KIAA0232: variants seen among roughly 807,000 people sequenced by gnomAD.
KIAA0232 encodes KIAA0232.
Under a neutral mutation model 122.0 loss-of-function variants are expected in KIAA0232, and 27 were observed. The ratio of observed to expected loss-of-function variants is 0.22; its 90% CI spans 0.16 to 0.31. KIAA0232 has a LOEUF of 0.31. Among genes scored for constraint, KIAA0232 ranks in the 10% least tolerant of loss-of-function variants. The pLI, the probability that KIAA0232 is intolerant of heterozygous loss-of-function variation, is 1.00. For synonymous variants in KIAA0232, 613 were observed against 587.6 expected (o/e 1.04, Z -0.63); for missense variants, 1,551 against 1,634.2 (o/e 0.95, Z 0.88).
intron 4 of KIAA0232, among the ~76,000 whole-genome samples, chr4:6,848,515 A>G (rs907207477): frequency 1.3e-5 from 2 of 151,126 alleles, no homozygotes; most frequent in Admixed American, 6.6e-5. Flanking sequence ...TTTACATTGT[A>G]TTAGGTATTA....
rs939656937 is a variant in KIAA0232 at position 6,862,013 on chromosome 4, A to G, written c.1631A>G (p.Asn544Ser). 1.2e-6 allele frequency: 2 copies of G among 1,614,226 alleles called. No homozygotes were observed. Among genetic ancestry groups the G allele is most frequent in the African/African-American group, 2.7e-5 (2 of 75,062 alleles). ...ATGATTCGACAGAAAAGCAAAGAGA[A>G]CACAGATTTTGAGGCAGAATGTTGC... ...LNMIRQKSKE[N>S]TDFEAECCIV... is the part of the protein sequence containing the mutation. The change falls in exon 7 of 10, where the codon AAC becomes AGC. Residue 544 changes from asparagine to serine, a missense_variant. Physicochemically the swap from Asn to Ser is conservative, Grantham distance 46. Transcript: ENST00000307659.
At position 6,879,887 on chromosome 4, in the gene KIAA0232, G is replaced by GC. The variant is rs745319769; in HGVS notation, c.4009-900_4009-899insC. Among the ~76,000 whole-genome samples, 16 of 66,474 alleles carry GC rather than the reference G, an allele frequency of 2.4e-4. 2 individuals carry two copies. The South Asian group carries it at 2.9e-3, about 12-fold the overall frequency. 43.6% of individuals were successfully genotyped at this position (66,474 alleles called of 152,430 possible). On this transcript the variant is annotated intron_variant, in intron 9 of 9. Coordinates refer to ENST00000307659, the MANE Select transcript of KIAA0232 (RefSeq NM_014743.3). Reference sequence around the variant, plus strand: ...CCTTCCCAACACACAGGTCTGCAGTGTCCCCTCACCATCTGTACTGTGTCA... The same window carrying GC: ...CCTTCCCAACACACAGGTCTGCAGTGCTCCCCTCACCATCTGTACTGTGTCA...
chr4:6,819,756 C>G (rs1201068162), intron 2 of KIAA0232, among the ~76,000 whole-genome samples: 1 of 152,036 alleles, frequency 6.6e-6, no homozygotes, highest in Non-Finnish European at 1.5e-5. Flanking sequence ...CTAGCTACAT[C>G]TCAGAAAAGA....
Position 6,861,159 on chromosome 4 carries a change from T to G in KIAA0232, c.777T>G (p.Phe259Leu). The G allele has an allele frequency of 6.2e-7, 1 of 1,614,114 alleles. No homozygotes were observed. Among genetic ancestry groups the G allele is most frequent in the Non-Finnish European group, 8.5e-7 (1 of 1,180,022 alleles). ...SKSKNEKENK[F>L]SNGTIEEKPA... is the part of the protein sequence containing the mutation. ...GCAAAAACGAGAAGGAAAACAAATT[T>G]AGTAATGGCACAATTGAAGAAAAGC... Residue 259 changes from phenylalanine (F) to leucine (L), a missense_variant, in exon 7 of 10, where the codon TTT becomes TTG. Phe to Leu is a conservative substitution (Grantham distance 22). Coordinates refer to ENST00000307659, the MANE Select transcript of KIAA0232 (RefSeq NM_014743.3).
intron 1 of KIAA0232, among the ~76,000 whole-genome samples, chr4:6,788,937 G>A (rs997876580): frequency 2.0e-5 from 3 of 151,634 alleles, no homozygotes; most frequent in Non-Finnish European, 4.4e-5. Flanking sequence ...TTTCTGGTGT[G>A]TGTGTAAAGA....
intron 1 of KIAA0232, among the ~76,000 whole-genome samples, chr4:6,799,727 G>A (rs777100715): frequency 6.6e-6 from 1 of 151,914 alleles, no homozygotes; most frequent in Admixed American, 6.6e-5. Context: ...TCGGAGGCTC[G>A]CTCTGTTGCC....
intron 2 of KIAA0232, among the ~76,000 whole-genome samples, chr4:6,807,032 G>GTCTGTCTGTCTATCTATCTATCTA (rs750617409): frequency 4.8e-5 from 7 of 145,862 alleles, no homozygotes; most frequent in East Asian, 2.0e-4. Flanking sequence ...CTGTCTGTCT[G>GTCTGTCTGTCTATCTATCTATCTA]TCTATCTATC....
chr4:6,836,358 A>G (rs924863871), intron 3 of KIAA0232, among the ~76,000 whole-genome samples: 3 of 150,582 alleles, frequency 2.0e-5, no homozygotes, highest in Non-Finnish European at 4.4e-5. Context: ...TGGCTTTGCA[A>G]ATCATATATG....
At position 6,797,801 on chromosome 4, in the gene KIAA0232, G is replaced by C. The variant is rs560067825; in HGVS notation, c.-353-6722G>C. ...AAAAAAAAAAAAAAGGCCGGGCGCG[G>C]TGGCTCACGCCTGTAATCCCAGCAC... On this transcript the variant is annotated intron_variant, in intron 1 of 9. Coordinates refer to ENST00000307659, the MANE Select transcript of KIAA0232 (RefSeq NM_014743.3). Among the ~76,000 whole-genome samples, 376 of 151,272 alleles carry C rather than the reference G, an allele frequency of 2.5e-3. 1 individual carries two copies. Among genetic ancestry groups the C allele is most frequent in the African/African-American group, 9.1e-3 (373 of 41,196 alleles).
In KIAA0232 at chr4:6,863,892, T is replaced by A; in HGVS notation, c.3510T>A (p.Leu1170=). Residue 1170 remains leucine (L), a synonymous_variant, in exon 7 of 10, where the codon CTT becomes CTA. Coordinates refer to ENST00000307659, the MANE Select transcript of KIAA0232 (RefSeq NM_014743.3). ...GCCATTACTATGGAAAATCAGAGCT[T>A]GAGTCTGGAAAATTCCTTCCCAGGT... ...KEGHYYGKSE[L]ESGKFLPRLK... 7.4e-6 allele frequency: 12 copies of A among 1,614,144 alleles called. No individual in the cohort carries two copies. The highest frequency in any genetic ancestry group is 1.0e-5 in the Non-Finnish European group (12 of 1,180,006).
intron 3 of KIAA0232, among the ~76,000 whole-genome samples, chr4:6,825,492 C>G (rs2109039282): frequency 6.6e-6 from 1 of 152,208 alleles, no homozygotes; most frequent in African/African-American, 2.4e-5. Context: ...AAAGTCGAGG[C>G]TGCAGTCAGC....
At chr4:6,810,670 A>G (rs1560168403) in intron 2 of KIAA0232, among the ~76,000 whole-genome samples, 1 of 152,242 alleles carries the variant, frequency 6.6e-6, no homozygotes, top group Non-Finnish European at 1.5e-5. Context: ...AAATGTTTGC[A>G]AACTATTTAT....
intron 3 of KIAA0232, among the ~76,000 whole-genome samples, chr4:6,830,154 C>T (rs1054829597): frequency 6.6e-6 from 1 of 152,178 alleles, no homozygotes; most frequent in African/African-American, 2.4e-5. Flanking sequence ...GTTGAAGGCA[C>T]TCATTTTCCA....
intron 1 of KIAA0232, among the ~76,000 whole-genome samples, chr4:6,786,669 A>G (rs1452740504): frequency 1.3e-5 from 2 of 152,212 alleles, no homozygotes; most frequent in Non-Finnish European, 2.9e-5. Context: ...TAGTTTTACT[A>G]TGTTGAATAT....
At chr4:6,871,885 A>AG (rs1480162672) in intron 8 of KIAA0232, among the ~76,000 whole-genome samples, 1 of 152,226 alleles carries the variant, frequency 6.6e-6, no homozygotes, top group African/African-American at 2.4e-5. Flanking sequence ...TGGAGGGGAA[A>AG]GGCATGGAAA....
chr4:6,851,818 G>A (rs1158592824), intron 4 of KIAA0232, among the ~76,000 whole-genome samples: 1 of 151,058 alleles, frequency 6.6e-6, no homozygotes, highest in Non-Finnish European at 1.5e-5. Context: ...TCAAGTTGAA[G>A]TATTTTCCTC....
At chr4:6,793,798 C>G (rs937740153) in intron 1 of KIAA0232, among the ~76,000 whole-genome samples, 2 of 152,066 alleles carry the variant, frequency 1.3e-5, no homozygotes, top group Non-Finnish European at 2.9e-5. Context: ...ATGTAAGCCT[C>G]CTGAGAACTC....
intron 6 of KIAA0232, 63 bp downstream of exon 6, chr4:6,858,569 C>A: frequency 9.6e-7 from 1 of 1,045,004 alleles, no homozygotes; most frequent in South Asian, 1.5e-5. Context: ...ATAACTGCTA[C>A]ATGGTTTCCG....
chr4:6,810,487 C>T (rs1717827813), intron 2 of KIAA0232, among the ~76,000 whole-genome samples: 1 of 152,068 alleles, frequency 6.6e-6, no homozygotes, highest in Non-Finnish European at 1.5e-5. Flanking sequence ...TAGAATAAAA[C>T]CTAGGGAAAA....
Sources: allele counts gnomAD v4.1 joint callset (sites outside exome capture counted in the v4.1 genomes callset), GRCh38; gene constraint gnomAD v4.1.1; transcripts MANE v1.5; gene names NCBI Gene and HGNC (gene_info 2026-07-23, HGNC 2026-07-21).